The following SH3D19 variants were observed in gnomAD, a reference collection of about 807,000 sequenced individuals.
SH3D19 encodes SH3 domain containing 19, also known as SH3 domain-containing protein 19.
SH3D19 carries 58 observed loss-of-function variants against 112.1 expected under a neutral mutation model. The observed-to-expected ratio is 0.52, with a 90% CI of 0.42 to 0.64. The LOEUF is 0.64. Among genes scored for constraint, SH3D19 ranks in the 30% least tolerant of loss-of-function variants. The probability of loss-of-function intolerance (pLI) is 0.00; values close to 1 mark genes in which losing one functional copy is unlikely to be tolerated. For synonymous variants in SH3D19, 391 were observed against 448.5 expected (o/e 0.87, Z 1.62); for missense variants, 1,090 against 1,263.4 (o/e 0.86, Z 2.08).
chr4:151,175,787 A>G, intron 6 of SH3D19, 113 bp from the exon 7 acceptor site: 1 of 1,053,268 alleles, frequency 9.5e-7, no homozygotes, highest in Non-Finnish European at 1.2e-6. Flanking sequence ...TGGAATATCA[A>G]GAGATTTTGG....
chr4:151,126,117 T>A lies in SH3D19; in HGVS notation c.3027+1501A>T, dbSNP rs545092984. 2.6e-5 allele frequency among the ~76,000 whole-genome samples: 4 copies of A among 152,116 alleles called. No individual in the cohort carries two copies. In the South Asian group the frequency reaches 8.3e-4, roughly 32 times the overall value. On this transcript the variant is annotated intron_variant, in intron 19 of 19. Transcript: ENST00000604030. The stretch of plus-strand genomic sequence containing the variant: ...CCTCTTTTTCTTTGTTGAGATGGGG[T>A]CTTGCCATGTTGACCAGGCTGGTTT...
chr4:151,324,245 G>A (rs1360894535), intron 1 of SH3D19, among the ~76,000 whole-genome samples: 1 of 152,010 alleles, frequency 6.6e-6, no homozygotes, highest in African/African-American at 2.4e-5. Flanking sequence ...CATTTGTTCC[G>A]CACAGATACA....
intron 1 of SH3D19, among the ~76,000 whole-genome samples, chr4:151,274,834 C>T (rs1463204618): frequency 6.6e-6 from 1 of 152,178 alleles, no homozygotes; most frequent in East Asian, 1.9e-4. Flanking sequence ...AGTCCAAGAT[C>T]AAGGTATCAG....
At chr4:151,235,154 C>T (rs1336036736) in intron 1 of SH3D19, among the ~76,000 whole-genome samples, 3 of 152,076 alleles carry the variant, frequency 2.0e-5, no homozygotes, top group African/African-American at 7.2e-5. Flanking sequence ...GAGCACAGCA[C>T]CCAACAGGTC....
At chr4:151,162,098 GT>G (rs1042929563) in intron 8 of SH3D19, among the ~76,000 whole-genome samples, 1 of 151,936 alleles carries the variant, frequency 6.6e-6, no homozygotes, top group Non-Finnish European at 1.5e-5. Context: ...CGTCATCCAG[GT>G]TTTAAGCCCC....
At chr4:151,313,691 G>T (rs916377225) in intron 1 of SH3D19, among the ~76,000 whole-genome samples, 1 of 152,174 alleles carries the variant, frequency 6.6e-6, no homozygotes, top group South Asian at 2.1e-4. Context: ...ACTTCCAGAC[G>T]CACCCTCCAC....
At chr4:151,286,842 T>C (rs1171459185) in intron 1 of SH3D19, among the ~76,000 whole-genome samples, 1 of 151,664 alleles carries the variant, frequency 6.6e-6, no homozygotes, top group African/African-American at 2.4e-5. Flanking sequence ...TAGCCAGGCA[T>C]GGTGGCATGT....
chr4:151,268,003 G>C (rs565456099), intron 1 of SH3D19, among the ~76,000 whole-genome samples: 3 of 152,202 alleles, frequency 2.0e-5, no homozygotes, highest in Non-Finnish European at 4.4e-5. Flanking sequence ...CTAAGTACAT[G>C]ACATGTTGCT....
intron 1 of SH3D19, among the ~76,000 whole-genome samples, chr4:151,241,124 A>C (rs1770519659): frequency 1.2e-4 from 1 of 8,690 alleles, no homozygotes; most frequent in Non-Finnish European, 4.7e-3. Context: ...ATCTCTACAA[A>C]AAAAAAAAAA....
intron 14 of SH3D19, 109 bp downstream of exon 14, chr4:151,137,623 T>C: frequency 3.6e-6 from 3 of 831,154 alleles, no homozygotes; most frequent in Non-Finnish European, 3.5e-6. Context: ...GCCAAATGAA[T>C]CAATGAAAGA....
At chr4:151,265,230 T>A (rs1046151406) in intron 1 of SH3D19, among the ~76,000 whole-genome samples, 3 of 152,184 alleles carry the variant, frequency 2.0e-5, no homozygotes, top group East Asian at 1.9e-4. Flanking sequence ...GTCAGTAACA[T>A]CTTGTTAGAA....
intron 1 of SH3D19, among the ~76,000 whole-genome samples, chr4:151,318,247 G>A (rs1191266161): frequency 7.0e-6 from 1 of 142,178 alleles, no homozygotes; most frequent in Non-Finnish European, 1.5e-5. Flanking sequence ...GTTGCAGTGA[G>A]CCAAGATCGC....
intron 2 of SH3D19, among the ~76,000 whole-genome samples, chr4:151,190,115 A>G (rs1055702552): frequency 6.6e-6 from 1 of 152,192 alleles, no homozygotes; most frequent in Non-Finnish European, 1.5e-5. Context: ...CATCTGCCCT[A>G]GAGATTTGTG....
chr4:151,217,878 T>C (rs1767380257), intron 2 of SH3D19, among the ~76,000 whole-genome samples: 1 of 152,102 alleles, frequency 6.6e-6, no homozygotes. Context: ...ACTTTCTAAA[T>C]AAGTTAAAAA....
intron 2 of SH3D19, among the ~76,000 whole-genome samples, chr4:151,193,318 C>G (rs145151635): frequency 2.9e-4 from 44 of 150,804 alleles, no homozygotes; most frequent in African/African-American, 8.7e-4. Context: ...ATTTGGTGTT[C>G]ACTAAAGAAC....
intron 1 of SH3D19, among the ~76,000 whole-genome samples, chr4:151,232,194 T>A (rs1769663677): frequency 6.6e-6 from 1 of 152,072 alleles, no homozygotes; most frequent in African/African-American, 2.4e-5. Flanking sequence ...AAAAAAGAAT[T>A]TATGTTTCAA....
chr4:151,198,446 A>T (rs12642734), intron 2 of SH3D19, among the ~76,000 whole-genome samples: 98,519 of 131,066 alleles, frequency 0.75, 38,984 homozygotes, highest in Non-Finnish European at 0.89. Context: ...AATATATATA[A>T]AAATATATAT....
At chr4:151,268,281 AC>A (rs923942465) in intron 1 of SH3D19, among the ~76,000 whole-genome samples, 6 of 152,176 alleles carry the variant, frequency 3.9e-5, no homozygotes, top group African/African-American at 1.2e-4. Context: ...AAAAACTGGT[AC>A]ACCTATATAG....
At chr4:151,195,340 C>T (rs941053538) in intron 2 of SH3D19, among the ~76,000 whole-genome samples, 2 of 132,868 alleles carry the variant, frequency 1.5e-5, no homozygotes, top group East Asian at 4.6e-4. Flanking sequence ...CCACTGCACT[C>T]CAGCCTGGTG....
Sources: allele counts gnomAD v4.1 joint callset (sites outside exome capture counted in the v4.1 genomes callset), GRCh38; gene constraint gnomAD v4.1.1; transcripts MANE v1.5; gene names NCBI Gene and HGNC (gene_info 2026-07-23, HGNC 2026-07-21).